The following CACNA1A variants were observed in gnomAD, a reference collection of about 807,000 sequenced individuals.
CACNA1A encodes the protein calcium voltage-gated channel subunit alpha1 A.
A neutral mutation model predicts 262.4 loss-of-function variants in CACNA1A; 57 were observed. The observed-to-expected ratio is 0.22, with a 90% confidence interval of 0.18 to 0.27. CACNA1A has a LOEUF of 0.27. Ranked by LOEUF, CACNA1A falls within the 10% of genes least tolerant of loss-of-function variation. CACNA1A has a pLI of 1.00. For synonymous variants in CACNA1A, 1,431 were observed against 1,419.3 expected (o/e 1.01, Z -0.18); for missense variants, 2,526 against 3,562.8 (o/e 0.71, Z 7.41).
Position 13,207,091 on chromosome 19 carries a change from T to G in CACNA1A, c.*222A>C. 2.6e-6 allele frequency: 1 copy of G among 386,270 alleles called. No individual in the cohort carries two copies. Among genetic ancestry groups the G allele is most frequent in the Non-Finnish European group, 4.6e-6 (1 of 215,354 alleles). The allele number at this position is 386,270 out of a possible 1,614,324, so 23.9% of individuals were successfully genotyped here. ...CTGTCGTGGGTGGGGGGATCGGGGC[T>G]GGTTGGGGGGCGCCGTGGCTGCCCA... On this transcript the variant is annotated 3_prime_UTR_variant, in exon 47 of 47. Coordinates refer to ENST00000360228, the MANE Select transcript of CACNA1A (RefSeq NM_001127222.2). This position sits in a 1 kb window ranked among gnomAD's most constrained non-coding sequence, Gnocchi z 5.7.
chr19:13,282,779 G>A (rs1421820515), intron 22 of CACNA1A, among the ~76,000 whole-genome samples: 1 of 152,004 alleles, frequency 6.6e-6, no homozygotes, highest in Non-Finnish European at 1.5e-5. Flanking sequence ...AATTAACAGG[G>A]GTTGTCAACA....
chr19:13,365,230 G>A (rs1260142852), intron 5 of CACNA1A, 87 bp downstream of exon 5: 3 of 1,225,940 alleles, frequency 2.4e-6, no homozygotes, highest in African/African-American at 1.5e-5. Context: ...GCTGCCAGGA[G>A]AAAGAAGCAC....
chr19:13,330,558 T>G (rs1304509851), intron 9 of CACNA1A, among the ~76,000 whole-genome samples: 1 of 152,010 alleles, frequency 6.6e-6, no homozygotes, highest in Non-Finnish European at 1.5e-5. Context: ...CGACTCCAGG[T>G]CTGGGCCCTC....
At chr19:13,469,612 C>T (rs1249156047) in intron 1 of CACNA1A, among the ~76,000 whole-genome samples, 1 of 141,758 alleles carries the variant, frequency 7.1e-6, no homozygotes, top group African/African-American at 2.7e-5. Flanking sequence ...CCACGCCTGG[C>T]TAATTTTTTT....
rs530022943 is a variant in CACNA1A at position 13,491,862 on chromosome 19, C to T, written c.293+14070G>A. The stretch of plus-strand genomic sequence containing the variant: ...AAATTTTAAAAAGGGCTTGTCAGCA[C>T]CAACAGAGGTACACAGAGGCGCACA... On this transcript the variant is annotated intron_variant, in intron 1 of 46. Coordinates refer to ENST00000360228, the MANE Select transcript of CACNA1A (RefSeq NM_001127222.2). Among the ~76,000 whole-genome samples, 22 of 152,116 alleles carry T rather than the reference C, an allele frequency of 1.4e-4. 1 individual carries two copies. The South Asian group carries it at 4.6e-3, about 32-fold the overall frequency.
chr19:13,415,340 G>A (rs1178748220), intron 3 of CACNA1A, among the ~76,000 whole-genome samples: 2 of 152,068 alleles, frequency 1.3e-5, no homozygotes, highest in African/African-American at 4.8e-5. Context: ...TTCACAACAC[G>A]CCTGCCTTTA....
chr19:13,257,620 G>C (rs2056606030), intron 27 of CACNA1A, 69 bp from the exon 28 acceptor site: 3 of 988,062 alleles, frequency 3.0e-6, no homozygotes, highest in Non-Finnish European at 3.0e-6. Flanking sequence ...GGGGTGATGA[G>C]GAAGGTGGAG....
At chr19:13,483,461 A>G (rs1355853677) in intron 1 of CACNA1A, among the ~76,000 whole-genome samples, 2 of 152,136 alleles carry the variant, frequency 1.3e-5, no homozygotes, top group African/African-American at 2.4e-5. Flanking sequence ...GCCTAAGCCA[A>G]TCAGAGCACC....
intron 10 of CACNA1A, among the ~76,000 whole-genome samples, chr19:13,329,165 G>A (rs2058423631): frequency 6.6e-6 from 1 of 152,172 alleles, no homozygotes. Flanking sequence ...ACAGAGGAGT[G>A]AGAAGGGAAA....
intron 4 of CACNA1A, chr19:13,371,366 C>T (rs533068199): frequency 2.3e-4 from 53 of 229,984 alleles, no homozygotes; most frequent in African/African-American, 1.2e-3. Flanking sequence ...CCTCAGTTTC[C>T]CCCTCCATAA....
At chr19:13,271,112 G>A (rs138570565) in intron 24 of CACNA1A, among the ~76,000 whole-genome samples, 21 of 71,306 alleles carry the variant, frequency 2.9e-4, no homozygotes, top group Non-Finnish European at 5.3e-4. Context: ...CCAAATTCCT[G>A]TGAGTTGTAG....
Position 13,283,409 on chromosome 19 carries a change from G to C in CACNA1A, c.3693-13C>G. ...CAGGCGGCGAAGGCTGTTGGAGACAGATGGGCGTGCAGAGGTCCACTCAGA... is the reference window on the plus strand; with the variant it reads ...CAGGCGGCGAAGGCTGTTGGAGACACATGGGCGTGCAGAGGTCCACTCAGA... On this transcript the variant is annotated splice_polypyrimidine_tract_variant and intron_variant, in intron 21 of 46. Coordinates refer to ENST00000360228, the MANE Select transcript of CACNA1A (RefSeq NM_001127222.2). 1 of 1,613,814 alleles carries C rather than the reference G, an allele frequency of 6.2e-7. No homozygotes were observed. Among genetic ancestry groups the C allele is most frequent in the Non-Finnish European group, 8.5e-7 (1 of 1,179,768 alleles).
chr19:13,259,622 T>C lies in CACNA1A; in HGVS notation c.4330A>G (p.Asn1444Asp). The change falls in exon 27 of 47, where the codon AAT becomes GAT. Residue 1444 changes from asparagine to aspartate, a missense_variant. Transcript: ENST00000360228. ...AGGGTCAGCAGAGCCCACAGCACATTGTCGTAATGGAATTCATACTTCTTC... is the reference window on the plus strand; with the variant it reads ...AGGGTCAGCAGAGCCCACAGCACATCGTCGTAATGGAATTCATACTTCTTC... ...EWKKYEFHYDNVLWALLTLFT... is the reference protein window; with the variant it reads ...EWKKYEFHYDDVLWALLTLFT... 1 of 1,610,798 alleles carries C rather than the reference T, an allele frequency of 6.2e-7. No homozygotes were observed. Among genetic ancestry groups the C allele is most frequent in the Non-Finnish European group, 8.5e-7 (1 of 1,178,566 alleles).
At chr19:13,291,259 C>G (rs1056334583) in intron 19 of CACNA1A, among the ~76,000 whole-genome samples, 1 of 152,044 alleles carries the variant, frequency 6.6e-6, no homozygotes, top group African/African-American at 2.4e-5. Context: ...ACACTCAGAC[C>G]CTGAGATCGG....
Position 13,207,920 on chromosome 19 carries a change from T to C in CACNA1A, c.6914A>G (p.Lys2305Arg). The change falls in exon 47 of 47, where the codon AAG (lysine) becomes AGG (arginine). Residue 2305 changes from lysine to arginine, a missense_variant. By Grantham distance (26) the Lys-to-Arg change is conservative (BLOSUM62 2). This residue lies in a region of CACNA1A where 929 missense variants were observed against 868.1 expected (regional missense o/e 1.07). Transcript: ENST00000360228. This position sits in a 1 kb window ranked among gnomAD's most constrained non-coding sequence, Gnocchi z 5.7. ...CTGCGGGGGCCCCGAGCCGCCGGCC[T>C]TACGGATCACAGGGGAATAGGACAC... Reference protein sequence around the residue: ...PHVSYSPVIRKAGGSGPPQQQ... With the variant: ...PHVSYSPVIRRAGGSGPPQQQ... 6.8e-7 allele frequency: 1 copy of C among 1,462,250 alleles called. No individual in the cohort carries two copies. 90.6% of individuals were successfully genotyped at this position (1,462,250 alleles called of 1,614,324 possible). A position where few individuals can be genotyped will look rare whatever the true frequency, so the allele number is the denominator to read the frequency against.
intron 6 of CACNA1A, 34 bp from the exon 7 acceptor site, chr19:13,335,943 T>C (rs1484733247): frequency 3.8e-6 from 5 of 1,305,538 alleles, no homozygotes; most frequent in East Asian, 2.4e-5. Context: ...CAGGTGAGAG[T>C]TGACTGGGAC....
intron 46 of CACNA1A, 43 bp from the exon 47 acceptor site, chr19:13,208,096 A>G: frequency 8.0e-7 from 1 of 1,248,292 alleles, no homozygotes; most frequent in Non-Finnish European, 1.0e-6. Context: ...AAAAAGATAC[A>G]ACAAAATCAA....
Position 13,303,816 on chromosome 19 carries a change from G to A in CACNA1A, c.2055C>T (p.Gly685=), listed in dbSNP as rs768332997. The A allele has an allele frequency of 1.5e-5, 24 of 1,613,380 alleles. No individual in the cohort carries two copies. Among genetic ancestry groups the A allele is most frequent in the African/African-American group, 4.0e-5 (3 of 74,946 alleles). The change falls in exon 16 of 47, where the codon GGC becomes GGT. Residue 685 remains glycine, a synonymous_variant. Transcript: ENST00000360228. ...DGIKSQGGVQ[G]GMVFSIYFIV... is the part of the protein sequence containing the mutation. ...TGAAATAGATGGAGAACACCATGCC[G>A]CCCTGCACGCCCCCCTGAGACTTGA... is the stretch of plus-strand genomic sequence containing the variant.
intron 3 of CACNA1A, among the ~76,000 whole-genome samples, chr19:13,433,110 G>A (rs1281129099): frequency 1.3e-5 from 2 of 152,046 alleles, no homozygotes; most frequent in African/African-American, 4.8e-5. Context: ...TGGCTAACAC[G>A]GTGAAACCCC....
Sources: allele counts gnomAD v4.1 joint callset (sites outside exome capture counted in the v4.1 genomes callset), GRCh38; gene constraint gnomAD v4.1.1; regional missense constraint gnomAD v4.1.1; non-coding constraint Gnocchi (gnomAD v3.1); transcripts MANE v1.5; gene names NCBI Gene and HGNC (gene_info 2026-07-23, HGNC 2026-07-21).